The following HSPG2 variants were observed in gnomAD, a reference collection of about 807,000 sequenced individuals.
The protein encoded by HSPG2 is heparan sulfate proteoglycan 2.
In HSPG2, 278 loss-of-function variants were observed where a neutral mutation model predicts 526.6. That is an observed-to-expected ratio of 0.53 (90% confidence interval 0.48 to 0.58). The LOEUF (loss-of-function observed/expected upper bound fraction) is 0.58. Ranked by LOEUF, HSPG2 falls within the 20% of genes least tolerant of loss-of-function variation. The pLI, the probability that HSPG2 is intolerant of heterozygous loss-of-function variation, is 0.00. For missense variants in HSPG2, 5,354 were observed against 6,099.5 expected (o/e 0.88, Z 4.07); for synonymous variants, 2,465 against 2,555.4 (o/e 0.96, Z 1.07).
At chr1:21,854,455 C>G (rs75819857) in intron 49 of HSPG2, 112 bp from the exon 50 acceptor site, 4 of 1,470,308 alleles carry the variant, frequency 2.7e-6, no homozygotes, top group Non-Finnish European at 3.7e-6. Context: ...CCGAGCCATC[C>G]CATGCTAGAA....
chr1:21,900,175 G>A (rs1300962773), intron 1 of HSPG2, among the ~76,000 whole-genome samples: 2 of 152,218 alleles, frequency 1.3e-5, no homozygotes, highest in African/African-American at 4.8e-5. Context: ...GAGAGGAGGG[G>A]TCTAGGGGTC....
chr1:21,871,872 A>G (rs912484853), intron 33 of HSPG2, among the ~76,000 whole-genome samples: 3 of 152,136 alleles, frequency 2.0e-5, no homozygotes, highest in African/African-American at 4.8e-5. Flanking sequence ...TTGTCTTTAT[A>G]TTTCCCGGCC....
At chr1:21,928,991 C>T (rs142831215) in intron 1 of HSPG2, among the ~76,000 whole-genome samples, 3,623 of 151,996 alleles carry the variant, frequency 0.024, 62 homozygotes, top group African/African-American at 0.049. Context: ...AACTCCCAAC[C>T]TCAGGTGATC....
rs745575586 is a variant in HSPG2 at position 21,842,320 on chromosome 1, A to G, written c.8971T>C (p.Cys2991Arg). 3.1e-6 allele frequency: 5 copies of G among 1,612,806 alleles called. No homozygotes were observed. Among genetic ancestry groups the G allele is most frequent in the Admixed American group, 3.3e-5 (2 of 59,922 alleles). ...VSPADSGEYV[C>R]RAASGPGPEQ... ...GGGCCTGGGCCGCTGGCTGCACGAC[A>G]CACATACTCGCCTGAGTCGGCAGGG... The change falls in exon 68 of 97, where the codon TGT becomes CGT. Residue 2991 changes from cysteine (C) to arginine (R), a missense_variant. Transcript: ENST00000374695.
rs1642914581 is a variant in HSPG2 at position 21,898,642 on chromosome 1, G to C, written c.64-2332C>G. ...TGCCTCCTTCCCTGGGTGGGGTAAA[G>C]GGCAGTGTTCCCACTGGCTGGAGCA... On this transcript the variant is annotated intron_variant, in intron 1 of 96. Transcript: ENST00000374695. The surrounding 1 kb of genome is among the most constrained non-coding windows in gnomAD (Gnocchi z 4.0). 6.6e-6 allele frequency among the ~76,000 whole-genome samples: 1 copy of C among 152,244 alleles called. No individual in the cohort carries two copies. Among genetic ancestry groups the C allele is most frequent in the Non-Finnish European group, 1.5e-5 (1 of 68,038 alleles).
intron 1 of HSPG2, among the ~76,000 whole-genome samples, chr1:21,934,828 C>G (rs1006973269): frequency 2.0e-5 from 3 of 152,134 alleles, no homozygotes; most frequent in African/African-American, 7.2e-5. Context: ...AACTCCTGAC[C>G]TCATGATCCG....
chr1:21,874,700 G>A lies in HSPG2; in HGVS notation c.3444C>T (p.Pro1148=), dbSNP rs1181201562. ...CACAGGTACCCAGGTAGAGGCCACT[G>A]GGCGTGCGTGTGTAGCCTGTGTCAC... The part of the protein sequence containing the change: ...QDCDTGYTRT[P]SGLYLGTCER... Residue 1148 remains proline (P), a synonymous_variant, in exon 27 of 97, where the codon CCC becomes CCT. Transcript: ENST00000374695. 1 of 1,609,002 alleles carries A rather than the reference G, an allele frequency of 6.2e-7. No individual in the cohort carries two copies.
At position 21,864,194 on chromosome 1, in the gene HSPG2, G is replaced by A. The variant is rs1327461909; in HGVS notation, c.4646C>T (p.Thr1549Met). 18 of 1,552,546 alleles carry A rather than the reference G, an allele frequency of 1.2e-5. No individual in the cohort carries two copies. The highest frequency in any genetic ancestry group is 1.4e-5 in the Non-Finnish European group (16 of 1,147,868). Residue 1549 changes from threonine (T) to methionine (M), a missense_variant, in exon 37 of 97, where the codon ACG (threonine) becomes ATG (methionine). Transcript: ENST00000374695. The surrounding 1 kb of genome is among the most constrained non-coding windows in gnomAD (Gnocchi z 4.8). ...GAGGTAGAGCCCACTCCCGGTGCGC[G>A]TGTAGCCGGGGGCACAGTCCTAGGG... ...LSCQDCAPGY[T>M]RTGSGLYLGH...
rs752522508 is a variant in HSPG2 at position 21,847,479 on chromosome 1, T to A, written c.8039A>T (p.His2680Leu). 6.2e-6 allele frequency: 10 copies of A among 1,613,518 alleles called. No individual in the cohort carries two copies. Among genetic ancestry groups the A allele is most frequent in the Non-Finnish European group, 8.5e-6 (10 of 1,179,920 alleles). The change falls in exon 62 of 97, where the codon CAC (histidine) becomes CTC (leucine). Residue 2680 changes from histidine to leucine, a missense_variant. Transcript: ENST00000374695. The surrounding 1 kb of genome is among the most constrained non-coding windows in gnomAD (Gnocchi z 4.1). ...LPSRHQTHGS[H>L]LRLHQMSVAD... The stretch of plus-strand genomic sequence containing the variant: ...CACAGACATTTGGTGCAACCGCAGG[T>A]GGGAGCCATGGGTCTGGACGTGCGG...
intron 91 of HSPG2, among the ~76,000 whole-genome samples, chr1:21,827,144 G>GT (rs141457625): frequency 0.045 from 6,855 of 152,128 alleles, 518 homozygotes; most frequent in African/African-American, 0.15. Flanking sequence ...GGAGGCGGGG[G>GT]TTGCAGTGAG....
chr1:21,866,169 G>A (rs1363374000), intron 33 of HSPG2, among the ~76,000 whole-genome samples: 6 of 152,178 alleles, frequency 3.9e-5, no homozygotes, highest in South Asian at 2.1e-4. Context: ...GGGAGGCTGC[G>A]GAAGCTTCAA....
intron 52 of HSPG2, among the ~76,000 whole-genome samples, 182 bp downstream of exon 52, chr1:21,852,518 C>G (rs774500435): frequency 3.0e-4 from 46 of 152,172 alleles, no homozygotes; most frequent in Non-Finnish European, 6.2e-4. Flanking sequence ...GTCATGTGGC[C>G]AAAGCAAAGT....
In HSPG2 at chr1:21,854,306, G is replaced by A. The variant is rs888532509; in HGVS notation, c.6326C>T (p.Pro2109Leu). 1.3e-6 allele frequency: 2 copies of A among 1,572,860 alleles called. No individual in the cohort carries two copies. Among genetic ancestry groups the A allele is most frequent in the Non-Finnish European group, 1.7e-6 (2 of 1,158,734 alleles). Residue 2109 changes from proline (P) to leucine (L), a missense_variant, in exon 50 of 97, where the codon CCA (proline) becomes CTA (leucine). Physicochemically the swap from Pro to Leu is moderately conservative, Grantham distance 98 (BLOSUM62 -3). Coordinates refer to ENST00000374695, the MANE Select transcript of HSPG2 (RefSeq NM_005529.7). ...GCACACATATTCTCCAGAATCAGCT[G>A]GTGAGACCTGGGGGAGCCGCAGACG... Reference protein sequence around the residue: ...GSRLRLPQVSPADSGEYVCRV... With the variant: ...GSRLRLPQVSLADSGEYVCRV...
rs780243791 is a variant in HSPG2 at position 21,872,731 on chromosome 1, G to A, written c.3918C>T (p.His1306=). 9.4e-5 allele frequency: 152 copies of A among 1,609,158 alleles called. No homozygotes were observed. The highest frequency in any genetic ancestry group is 1.2e-4 in the Non-Finnish European group (145 of 1,178,652). The change falls in exon 32 of 97, where the codon CAC becomes CAT. Residue 1306 remains histidine, a synonymous_variant. Transcript: ENST00000374695. This position sits in a 1 kb window ranked among gnomAD's most constrained non-coding sequence, Gnocchi z 5.5. ...TCAGGTGGAAGTGGTGGGGCCGGCA[G>A]TGGCTGCAAGTGAGGCCTTCCACCT... The part of the protein sequence containing the change: ...KAQVEGLTCS[H]CRPHHFHLSA...
intron 55 of HSPG2, 83 bp from the exon 56 acceptor site, chr1:21,850,581 C>A: frequency 7.0e-7 from 1 of 1,432,516 alleles, no homozygotes; most frequent in Non-Finnish European, 9.3e-7. Context: ...ACTCTGACCC[C>A]CAAGGCCTGG....
rs1642067996 is a variant in HSPG2 at position 21,888,051 on chromosome 1, C to T, written c.590G>A (p.Arg197Lys). 1 of 1,613,936 alleles carries T rather than the reference C, an allele frequency of 6.2e-7. No homozygotes were observed. The highest frequency in any genetic ancestry group is 8.5e-7 in the Non-Finnish European group (1 of 1,179,988). ...GGCAAACTCGGCCTCCGTGCAGGCTCTTGGGAACTGGGGCACTGCAGGTGG... is the reference window on the plus strand; with the variant it reads ...GGCAAACTCGGCCTCCGTGCAGGCTTTTGGGAACTGGGGCACTGCAGGTGG... ...RRLGTVPQFP[R>K]ACTEAEFACH... The change falls in exon 7 of 97, where the codon AGA becomes AAA. Residue 197 changes from arginine to lysine, a missense_variant. Transcript: ENST00000374695.
chr1:21,876,494 C>A lies in HSPG2; in HGVS notation c.2826+18G>T, dbSNP rs1183982301. ...GCCCAGGGCTTGGCGGTCCTGCCCG[C>A]CCACCTTGCAGAGGTACCTGGGCAC... On this transcript the variant is annotated intron_variant, in intron 22 of 96. Coordinates refer to ENST00000374695, the MANE Select transcript of HSPG2 (RefSeq NM_005529.7). 6.2e-7 allele frequency: 1 copy of A among 1,613,746 alleles called. No individual in the cohort carries two copies. Among genetic ancestry groups the A allele is most frequent in the Non-Finnish European group, 8.5e-7 (1 of 1,179,856 alleles).
intron 1 of HSPG2, among the ~76,000 whole-genome samples, chr1:21,909,547 G>A (rs1643553987): frequency 6.6e-6 from 1 of 152,232 alleles, no homozygotes; most frequent in African/African-American, 2.4e-5. Flanking sequence ...ATGTCCCAAG[G>A]GACAGGCTTG....
rs770701544 is a variant in HSPG2 at position 21,896,325 on chromosome 1, G to A, written c.64-15C>T. On this transcript the variant is annotated splice_polypyrimidine_tract_variant and intron_variant, in intron 1 of 96. Coordinates refer to ENST00000374695, the MANE Select transcript of HSPG2 (RefSeq NM_005529.7). ...CCATGGGTCACCTGTAAGCAAACGA[G>A]AGCTGATTGAGTCACTCTCTCCAGC... 1 of 1,611,172 alleles carries A rather than the reference G, an allele frequency of 6.2e-7. No homozygotes were observed. Among genetic ancestry groups the A allele is most frequent in the African/African-American group, 1.3e-5 (1 of 74,902 alleles).
Sources: gnomAD v4.1 joint callset for allele counts (sites outside exome capture counted in the v4.1 genomes callset) on GRCh38, gnomAD v4.1.1 for gene constraint, Gnocchi (gnomAD v3.1) non-coding constraint, MANE v1.5 for transcripts, NCBI Gene and HGNC (gene_info 2026-07-23, HGNC 2026-07-21) for gene names.